MED13: variants seen among roughly 807,000 people sequenced by gnomAD.
The protein encoded by MED13 is mediator of RNA polymerase II transcription subunit 13.
In MED13, 23 loss-of-function variants were observed where a neutral mutation model predicts 225.2. The observed-to-expected ratio is 0.10, with a 90% confidence interval of 0.07 to 0.14. The LOEUF is 0.14. Among genes scored for constraint, MED13 ranks in the 10% least tolerant of loss-of-function variants. The pLI is 1.00. For missense variants in MED13, 2,197 were observed against 2,594.5 expected, an observed-to-expected ratio of 0.85 and a Z score of 3.33; for synonymous variants, 942 against 889.2, an observed-to-expected ratio of 1.06 and a Z score of -1.06.
chr17:62,002,392 G>A (rs2080403560), intron 9 of MED13, among the ~76,000 whole-genome samples: 1 of 151,656 alleles, frequency 6.6e-6, no homozygotes, highest in Non-Finnish European at 1.5e-5. Flanking sequence ...GGGAGGCCAA[G>A]GCAGGAGAAT....
Position 61,961,015 on chromosome 17 carries a change from C to A in MED13, c.5332G>T (p.Glu1778Ter). 1 of 1,614,030 alleles carries A rather than the reference C, an allele frequency of 6.2e-7. No individual in the cohort carries two copies. The highest frequency in any genetic ancestry group is 8.5e-7 in the Non-Finnish European group (1 of 1,179,996). Residue 1778 changes from glutamate to a stop codon, truncating the protein, a stop_gained, in exon 23 of 30, where the codon GAA (glutamate) becomes TAA (stop). Transcript: ENST00000397786. LOFTEE classifies it high-confidence loss of function. ...TTCTGTCCAGCTTCTCCAAATGTTT[C>A]TCCTAGCTCTGTCTGTTTGTCCTTC... The part of the protein sequence containing the change: ...PVKDKQTELG[E>*]TFGEAGQKYN...
intron 21 of MED13, 40 bp from the exon 22 acceptor site, chr17:61,961,819 A>G: frequency 6.4e-7 from 1 of 1,563,758 alleles, no homozygotes; most frequent in African/African-American, 1.4e-5. Context: ...TTAAACTTCC[A>G]AAAGAGAATA....
intron 16 of MED13, among the ~76,000 whole-genome samples, chr17:61,981,658 C>G (rs2080206011): frequency 6.6e-6 from 1 of 152,212 alleles, no homozygotes; most frequent in African/African-American, 2.4e-5. Context: ...CATATGCTAT[C>G]TCCTCAGTAG....
intron 19 of MED13, 72 bp from the exon 20 acceptor site, chr17:61,965,540 A>C: frequency 7.3e-7 from 1 of 1,375,468 alleles, no homozygotes; most frequent in Non-Finnish European, 9.8e-7. Context: ...TCTACTGTGT[A>C]AACAGAATCA....
At chr17:62,025,213 G>A (rs1022355042) in intron 8 of MED13, among the ~76,000 whole-genome samples, 2 of 152,172 alleles carry the variant, frequency 1.3e-5, no homozygotes, top group African/African-American at 4.8e-5. Flanking sequence ...ATTCAACTCT[G>A]CCATTGTGGG....
rs1465266058 is a variant in MED13, at chr17:62,035,672, T to C, written c.471-64A>G. ...GTGGCCAAAAATGTTAACTTGCTTT[T>C]CTTTATTAGGAAGTATGCAAAAATG... is the stretch of plus-strand genomic sequence containing the variant. On this transcript the variant is annotated intron_variant, in intron 3 of 29. Coordinates refer to ENST00000397786, the MANE Select transcript of MED13 (RefSeq NM_005121.3). 10 of 1,494,240 alleles carry C rather than the reference T, an allele frequency of 6.7e-6. No homozygotes were observed. In the East Asian group the frequency reaches 1.7e-4, roughly 25 times the overall value. The allele number at this position is 1,494,240 out of a possible 1,614,324, so 92.6% of individuals were successfully genotyped here.
At chr17:62,025,281 C>A (rs2080690461) in intron 8 of MED13, among the ~76,000 whole-genome samples, 1 of 152,172 alleles carries the variant, frequency 6.6e-6, no homozygotes, top group Non-Finnish European at 1.5e-5. Flanking sequence ...TCTAATAAAT[C>A]CTTATTTATC....
At chr17:61,957,255 C>T (rs9783837) in intron 23 of MED13, among the ~76,000 whole-genome samples, 11,395 of 152,108 alleles carry the variant, frequency 0.075, 1,475 homozygotes, top group African/African-American at 0.26. Context: ...CCATGTTGGC[C>T]AGGCTGGTCT....
At position 61,942,743 on chromosome 17, in the gene MED13, T is replaced by C. The variant is rs2079824147; in HGVS notation, c.*3725A>G. The stretch of plus-strand genomic sequence containing the variant: ...GTGTTATGGCATTCGGCAGCAATAG[T>C]GTTTGTTCCTTATTCTCTTTTTGTC... On this transcript the variant is annotated 3_prime_UTR_variant, in exon 30 of 30. Transcript: ENST00000397786. The C allele has an allele frequency of 6.6e-6, 1 of 152,214 alleles. No individual in the cohort carries two copies. 9.4% of individuals were successfully genotyped at this position (152,214 alleles called of 1,614,324 possible).
At chr17:62,008,802 TC>T (rs374343951) in intron 9 of MED13, among the ~76,000 whole-genome samples, 18 of 151,546 alleles carry the variant, frequency 1.2e-4, no homozygotes, top group African/African-American at 4.1e-4. Flanking sequence ...CAAAATGAAA[TC>T]CTAGAGAGCT....
chr17:61,950,382 G>GT, intron 28 of MED13, among the ~76,000 whole-genome samples: 1 of 151,300 alleles, frequency 6.6e-6, no homozygotes, highest in Non-Finnish European at 1.5e-5. Context: ...TTAAAAACTA[G>GT]TTGTTTTTTT....
At chr17:61,999,354 C>G (rs2080373716) in intron 9 of MED13, among the ~76,000 whole-genome samples, 1 of 152,086 alleles carries the variant, frequency 6.6e-6, no homozygotes, top group South Asian at 2.1e-4. Context: ...GAATCACAGA[C>G]TAAACAATCA....
At chr17:62,042,257 A>G (rs1377316331) in intron 3 of MED13, among the ~76,000 whole-genome samples, 1 of 152,176 alleles carries the variant, frequency 6.6e-6, no homozygotes, top group African/African-American at 2.4e-5. Context: ...TACTTACATT[A>G]TACAGTAAAT....
intron 3 of MED13, among the ~76,000 whole-genome samples, chr17:62,041,091 T>C (rs962259579): frequency 8.5e-5 from 13 of 152,168 alleles, no homozygotes; most frequent in Admixed American, 2.6e-4. Flanking sequence ...CCAATGTTCA[T>C]AGCAGCATTA....
chr17:62,031,398 C>T, intron 6 of MED13, 46 bp downstream of exon 6: 1 of 1,435,248 alleles, frequency 7.0e-7, no homozygotes, highest in Non-Finnish European at 9.3e-7. Flanking sequence ...TTACTGTACA[C>T]AAAATAACAA....
In MED13 at chr17:62,033,546, T is replaced by C. The variant is rs191133538; in HGVS notation, c.814+241A>G. Among the ~76,000 whole-genome samples, 108 of 152,348 alleles carry C rather than the reference T, an allele frequency of 7.1e-4. 1 individual carries two copies. In the Middle Eastern group the frequency reaches 0.014, roughly 19 times the overall value. ...TTCAGTCCCTATTATTCTTCTGTTC[T>C]CATAAGAACAGCATGTCCTAGCTAC... is the stretch of plus-strand genomic sequence containing the variant. On this transcript the variant is annotated intron_variant, in intron 5 of 29. Coordinates refer to ENST00000397786, the MANE Select transcript of MED13 (RefSeq NM_005121.3).
chr17:62,063,372 C>T, intron 1 of MED13, 71 bp from the exon 2 acceptor site: 1 of 960,074 alleles, frequency 1.0e-6, no homozygotes, highest in Admixed American at 2.2e-5. Flanking sequence ...AATATGATGT[C>T]TCTTATTTCA....
chr17:62,048,019 T>TATATACATATACATATACATATATAC (rs2080913653), intron 3 of MED13, among the ~76,000 whole-genome samples: 1 of 135,250 alleles, frequency 7.4e-6, no homozygotes, highest in African/African-American at 2.8e-5. Flanking sequence ...TATATATACA[T>TATATACATATACATATACATATATAC]ATATACATAT....
In MED13 at chr17:61,943,822, G is replaced by C. The variant is rs1453750248; in HGVS notation, c.*2646C>G. Reference sequence around the variant, plus strand: ...TGACAAAATACTGAACTTCCACCCTGCTTAATAATCATGGATACCTGCACA... The same window carrying C: ...TGACAAAATACTGAACTTCCACCCTCCTTAATAATCATGGATACCTGCACA... On this transcript the variant is annotated 3_prime_UTR_variant, in exon 30 of 30. Coordinates refer to ENST00000397786, the MANE Select transcript of MED13 (RefSeq NM_005121.3). 1.3e-5 allele frequency: 2 copies of C among 152,440 alleles called. No individual in the cohort carries two copies. The highest frequency in any genetic ancestry group is 2.9e-5 in the Non-Finnish European group (2 of 67,970). The allele number at this position is 152,440 out of a possible 1,614,324, so 9.4% of individuals were successfully genotyped here.
Sources: gnomAD v4.1 joint callset for allele counts (sites outside exome capture counted in the v4.1 genomes callset) on GRCh38, gnomAD v4.1.1 for gene constraint, MANE v1.5 for transcripts, NCBI Gene and HGNC (gene_info 2026-07-23, HGNC 2026-07-21) for gene names.